The following PHACTR1 variants were observed in gnomAD, a reference collection of about 807,000 sequenced individuals.
PHACTR1 encodes the protein RPEL repeat containing 1.
Under a neutral mutation model 69.2 loss-of-function variants are expected in PHACTR1, and 16 were observed. The ratio of observed to expected loss-of-function variants is 0.23; its 90% CI spans 0.16 to 0.35. The LOEUF (loss-of-function observed/expected upper bound fraction) is 0.35. Ranked by LOEUF, PHACTR1 falls within the 10% of genes least tolerant of loss-of-function variation. PHACTR1 has a pLI of 1.00. For missense variants in PHACTR1, 510 were observed against 734.7 expected (o/e 0.69, Z 3.54); for synonymous variants, 312 against 284.5 (o/e 1.10, Z -0.97).
At chr6:12,947,314 A>G (rs748953215) in intron 4 of PHACTR1, among the ~76,000 whole-genome samples, 3 of 150,770 alleles carry the variant, frequency 2.0e-5, no homozygotes, top group Non-Finnish European at 4.4e-5. Flanking sequence ...CTTCCCAAGT[A>G]TAACCTGAAG....
intron 4 of PHACTR1, among the ~76,000 whole-genome samples, chr6:12,945,739 A>G (rs1337187184): frequency 2.6e-5 from 4 of 152,062 alleles, no homozygotes; most frequent in Non-Finnish European, 5.9e-5. Context: ...GGAGGCAGGC[A>G]GATCACCTGA....
intron 4 of PHACTR1, among the ~76,000 whole-genome samples, chr6:12,950,148 A>G (rs1241196313): frequency 6.6e-6 from 1 of 152,214 alleles, no homozygotes; most frequent in Non-Finnish European, 1.5e-5. Context: ...TCAGTCTCTC[A>G]TGAGGTTGCA....
intron 5 of PHACTR1, among the ~76,000 whole-genome samples, chr6:13,067,414 CAG>C (rs1808816937): frequency 6.6e-6 from 1 of 152,146 alleles, no homozygotes; most frequent in South Asian, 2.1e-4. Flanking sequence ...CTACACATAA[CAG>C]TGATATTACA....
chr6:12,805,369 G>T (rs1340774750), intron 4 of PHACTR1, among the ~76,000 whole-genome samples: 1 of 152,072 alleles, frequency 6.6e-6, no homozygotes, highest in Non-Finnish European at 1.5e-5. Context: ...TTTTCTAGAA[G>T]TGCGACACGT....
intron 6 of PHACTR1, among the ~76,000 whole-genome samples, chr6:13,171,815 G>T (rs972623430): frequency 6.6e-6 from 1 of 152,104 alleles, no homozygotes; most frequent in Non-Finnish European, 1.5e-5. Flanking sequence ...TGCCCAGGCT[G>T]TAATGCAATG....
intron 4 of PHACTR1, among the ~76,000 whole-genome samples, chr6:12,781,842 C>T (rs1311275649): frequency 2.0e-5 from 3 of 152,180 alleles, no homozygotes; most frequent in Non-Finnish European, 4.4e-5. Flanking sequence ...TTAAAATTTT[C>T]CTTTCAAAAT....
At chr6:12,768,060 C>G (rs1366941357) in intron 4 of PHACTR1, among the ~76,000 whole-genome samples, 1 of 144,860 alleles carries the variant, frequency 6.9e-6, no homozygotes, top group Non-Finnish European at 1.5e-5. Flanking sequence ...TGACTAGGTA[C>G]AATAACATCT....
intron 4 of PHACTR1, among the ~76,000 whole-genome samples, chr6:12,889,778 C>A (rs1783986657): frequency 6.7e-6 from 1 of 148,420 alleles, no homozygotes; most frequent in Non-Finnish European, 1.5e-5. Context: ...TCTTCTCCTC[C>A]TCCTCCTTCT....
chr6:12,779,930 T>A (rs893518182), intron 4 of PHACTR1, among the ~76,000 whole-genome samples: 1 of 152,202 alleles, frequency 6.6e-6, no homozygotes. Flanking sequence ...TGAATATTAC[T>A]CACTGAGCTT....
intron 5 of PHACTR1, among the ~76,000 whole-genome samples, chr6:13,101,480 G>C (rs1479543158): frequency 8.5e-5 from 13 of 152,212 alleles, no homozygotes; most frequent in Non-Finnish European, 1.6e-4. Flanking sequence ...GAGTACACCT[G>C]GTTTAGTCTA....
intron 5 of PHACTR1, among the ~76,000 whole-genome samples, chr6:13,091,189 G>A (rs1813223621): frequency 6.6e-6 from 1 of 151,826 alleles, no homozygotes; most frequent in Non-Finnish European, 1.5e-5. Flanking sequence ...AGTAGAGACG[G>A]GTTTTCACCA....
intron 7 of PHACTR1, among the ~76,000 whole-genome samples, chr6:13,191,399 A>G (rs1298403928): frequency 6.6e-6 from 1 of 152,200 alleles, no homozygotes; most frequent in Non-Finnish European, 1.5e-5. Context: ...CACAGGGCAC[A>G]TGGGGAAGCC....
chr6:13,013,747 C>T (rs1451220174), intron 4 of PHACTR1, among the ~76,000 whole-genome samples: 11 of 149,814 alleles, frequency 7.3e-5, no homozygotes, highest in Non-Finnish European at 1.7e-4. Flanking sequence ...CGGCGCCCTC[C>T]CCGACCCGCC....
intron 5 of PHACTR1, among the ~76,000 whole-genome samples, chr6:13,158,800 T>C (rs1407742608): frequency 6.6e-6 from 1 of 152,238 alleles, no homozygotes; most frequent in Non-Finnish European, 1.5e-5. Flanking sequence ...AGAACCACAA[T>C]CCTTGTTGCT....
At chr6:12,872,354 A>C (rs1782116530) in intron 4 of PHACTR1, among the ~76,000 whole-genome samples, 1 of 152,198 alleles carries the variant, frequency 6.6e-6, no homozygotes, top group Non-Finnish European at 1.5e-5. Flanking sequence ...GATGCATGGA[A>C]GTTTATTATA....
At chr6:13,051,560 C>T (rs967972202) in intron 4 of PHACTR1, among the ~76,000 whole-genome samples, 1 of 152,174 alleles carries the variant, frequency 6.6e-6, no homozygotes, top group African/African-American at 2.4e-5. Flanking sequence ...ATGTTCCATG[C>T]CTTCAGCCCT....
intron 5 of PHACTR1, among the ~76,000 whole-genome samples, chr6:13,060,208 C>G (rs1807468251): frequency 1.3e-5 from 2 of 152,168 alleles, no homozygotes; most frequent in African/African-American, 4.8e-5. Context: ...TGGCTCCACT[C>G]AACTAGAGAT....
At chr6:12,955,793 C>A (rs974590386) in intron 4 of PHACTR1, among the ~76,000 whole-genome samples, 6 of 152,132 alleles carry the variant, frequency 3.9e-5, no homozygotes, top group Non-Finnish European at 5.9e-5. Flanking sequence ...ATATTTTTCT[C>A]ATGTCTATCT....
At chr6:13,100,767 G>A (rs1351544144) in intron 5 of PHACTR1, among the ~76,000 whole-genome samples, 1 of 152,184 alleles carries the variant, frequency 6.6e-6, no homozygotes, top group Non-Finnish European at 1.5e-5. Context: ...CAGAATGTAA[G>A]ACGATTGATG....
Sources: gnomAD v4.1 joint callset for allele counts (sites outside exome capture counted in the v4.1 genomes callset) on GRCh38, gnomAD v4.1.1 for gene constraint, MANE v1.5 for transcripts, NCBI Gene and HGNC (gene_info 2026-07-23, HGNC 2026-07-21) for gene names.